Variants in MTUS2 observed in about 807,000 individuals in gnomAD.
MTUS2 encodes the protein microtubule-associated tumor suppressor candidate 2.
MTUS2 carries 40 observed loss-of-function variants against 114.1 expected under a neutral mutation model. The ratio of observed to expected loss-of-function variants is 0.35; its 90% CI spans 0.27 to 0.46. The LOEUF is 0.46. Ranked by LOEUF, MTUS2 falls within the 20% of genes least tolerant of loss-of-function variation. The pLI is 1.00. For synonymous variants in MTUS2, 688 were observed against 672.0 expected (o/e 1.02, Z -0.37); for missense variants, 1,679 against 1,705.4 (o/e 0.98, Z 0.27).
chr13:29,314,347 G>A (rs772842451), intron 6 of MTUS2, among the ~76,000 whole-genome samples: 33 of 152,082 alleles, frequency 2.2e-4, no homozygotes, highest in Non-Finnish European at 4.6e-4. Context: ...AGAAAACTGA[G>A]CAAACAAAAA....
intron 9 of MTUS2, among the ~76,000 whole-genome samples, chr13:29,442,663 C>T (rs141277115): frequency 7.9e-5 from 12 of 152,328 alleles, no homozygotes; most frequent in African/African-American, 1.4e-4. Context: ...GTGTTTCCCT[C>T]GGAAGTATTG....
intron 13 of MTUS2, 27 bp from the exon 14 acceptor site, chr13:29,498,391 A>T: frequency 6.2e-7 from 1 of 1,612,584 alleles, no homozygotes; most frequent in Non-Finnish European, 8.5e-7. Flanking sequence ...ATCCTGGTCA[A>T]CAGCTCATGG....
intron 9 of MTUS2, among the ~76,000 whole-genome samples, chr13:29,474,877 T>C (rs1053159124): frequency 6.6e-6 from 1 of 152,222 alleles, no homozygotes; most frequent in Non-Finnish European, 1.5e-5. Context: ...CATTTATATG[T>C]GTTCTGTCTG....
At chr13:29,432,729 T>C (rs942715819) in intron 8 of MTUS2, among the ~76,000 whole-genome samples, 2 of 152,196 alleles carry the variant, frequency 1.3e-5, no homozygotes, top group Non-Finnish European at 2.9e-5. Context: ...CCTCAGACCA[T>C]GTTATAGATT....
intron 5 of MTUS2, among the ~76,000 whole-genome samples, chr13:29,174,923 A>G (rs1003048829): frequency 7.9e-5 from 12 of 152,210 alleles, no homozygotes; most frequent in African/African-American, 2.9e-4. Flanking sequence ...CAGTCTAGAA[A>G]TTGAAGCAGT....
chr13:28,972,923 C>G (rs939327110), intron 2 of MTUS2, among the ~76,000 whole-genome samples: 1 of 152,008 alleles, frequency 6.6e-6, no homozygotes, highest in Non-Finnish European at 1.5e-5. Context: ...TCCCTGTGCC[C>G]CTTCCCCCAA....
intron 7 of MTUS2, among the ~76,000 whole-genome samples, chr13:29,358,148 G>A (rs1427058145): frequency 6.6e-6 from 1 of 152,198 alleles, no homozygotes. Context: ...GTGAAGGAAA[G>A]AACGTGCCTT....
chr13:29,378,543 A>G (rs1463894778), intron 8 of MTUS2, among the ~76,000 whole-genome samples: 3 of 152,142 alleles, frequency 2.0e-5, no homozygotes, highest in East Asian at 3.9e-4. Flanking sequence ...GCACCTCCCC[A>G]TTAAGATGGC....
chr13:28,940,771 A>G (rs559213084), intron 2 of MTUS2, among the ~76,000 whole-genome samples: 1 of 152,204 alleles, frequency 6.6e-6, no homozygotes, highest in African/African-American at 2.4e-5. Flanking sequence ...AAAAGGAATT[A>G]GAAAACTACG....
chr13:28,923,285 C>T (rs1311386248), intron 2 of MTUS2, among the ~76,000 whole-genome samples: 4 of 152,248 alleles, frequency 2.6e-5, no homozygotes, highest in African/African-American at 9.6e-5. Context: ...TGTCAGTTGT[C>T]TTTTCTCATT....
chr13:29,399,059 G>T (rs1189106473), intron 8 of MTUS2, among the ~76,000 whole-genome samples: 1 of 152,198 alleles, frequency 6.6e-6, no homozygotes, highest in African/African-American at 2.4e-5. Context: ...TCCACAGACA[G>T]AGCAGCCCCG....
At chr13:28,938,379 C>CAA (rs200546939) in intron 2 of MTUS2, among the ~76,000 whole-genome samples, 319 of 105,620 alleles carry the variant, frequency 3.0e-3, no homozygotes, top group African/African-American at 8.9e-3. Flanking sequence ...GACTCTGTCT[C>CAA]AAAAAAAAAA....
intron 2 of MTUS2, among the ~76,000 whole-genome samples, chr13:28,958,059 A>G (rs889153082): frequency 1.3e-5 from 2 of 152,228 alleles, no homozygotes; most frequent in African/African-American, 4.8e-5. Flanking sequence ...CAGGTGCTGC[A>G]ACCCGTTGTG....
chr13:28,906,654 T>G (rs1880036565), intron 2 of MTUS2, among the ~76,000 whole-genome samples: 1 of 151,592 alleles, frequency 6.6e-6, no homozygotes, highest in Admixed American at 6.6e-5. Flanking sequence ...TTACATTTGC[T>G]GAGGAGTGCT....
At chr13:29,322,116 G>C (rs1177497716) in intron 6 of MTUS2, among the ~76,000 whole-genome samples, 1 of 152,094 alleles carries the variant, frequency 6.6e-6, no homozygotes, top group African/African-American at 2.4e-5. Flanking sequence ...ATCAATATTT[G>C]CATTTTTGAT....
At chr13:29,110,139 T>A (rs1185293819) in intron 5 of MTUS2, among the ~76,000 whole-genome samples, 1 of 152,252 alleles carries the variant, frequency 6.6e-6, no homozygotes, top group Non-Finnish European at 1.5e-5. Context: ...TATATTCACT[T>A]GGCTTCCCTG....
chr13:29,307,197 T>C (rs954124367), intron 6 of MTUS2: 5 of 539,374 alleles, frequency 9.3e-6, no homozygotes, highest in African/African-American at 3.8e-5. Flanking sequence ...ATGAGAATTA[T>C]GACAGCAGCC....
At chr13:28,975,563 G>A (rs1288798103) in intron 2 of MTUS2, among the ~76,000 whole-genome samples, 1 of 152,128 alleles carries the variant, frequency 6.6e-6, no homozygotes, top group Non-Finnish European at 1.5e-5. Context: ...CACCTTGACA[G>A]TGTGGTCAGT....
intron 2 of MTUS2, among the ~76,000 whole-genome samples, chr13:28,949,156 G>A (rs573729360): frequency 6.6e-6 from 1 of 152,256 alleles, no homozygotes; most frequent in Non-Finnish European, 1.5e-5. Context: ...TTTTATGGGA[G>A]GCTGACCCTC....
Sources: gnomAD v4.1 joint callset for allele counts (sites outside exome capture counted in the v4.1 genomes callset) on GRCh38, gnomAD v4.1.1 for gene constraint, MANE v1.5 for transcripts, NCBI Gene and HGNC (gene_info 2026-07-23, HGNC 2026-07-21) for gene names.